Variants in C2orf66 observed in about 807,000 individuals in gnomAD.
C2orf66 encodes chromosome 2 open reading frame 66, also known as uncharacterized protein C2orf66.
In C2orf66, 6 loss-of-function variants were observed where a neutral mutation model predicts 7.0. That is an observed-to-expected ratio of 0.86 (90% CI 0.47 to 1.69). The LOEUF is 1.69. Ranked by LOEUF, C2orf66 falls within the 40% of genes most tolerant of loss-of-function variation. The probability of loss-of-function intolerance (pLI) is 0.01; values close to 1 mark genes in which losing one functional copy is unlikely to be tolerated. For synonymous variants in C2orf66, 38 were observed against 43.8 expected (o/e 0.87, Z 0.52); for missense variants, 107 against 112.0 (o/e 0.96, Z 0.20).
upstream of C2orf66, chr2:196,809,997 G>T (rs2125758739): frequency 6.6e-6 from 1 of 152,314 alleles, no homozygotes; most frequent in East Asian, 1.9e-4. Context: ...CAATGGATTG[G>T]GTGCCAGTGG....
At chr2:196,822,188 C>T in the C2orf66 span, among the ~76,000 whole-genome samples, 4 of 151,734 alleles carry the variant, frequency 2.6e-5, no homozygotes, top group African/African-American at 9.7e-5. Context: ...GCTGGGATTA[C>T]AGGCATGAGC....
chr2:196,821,504 T>G, the C2orf66 span, among the ~76,000 whole-genome samples: 9 of 152,204 alleles, frequency 5.9e-5, no homozygotes, highest in East Asian at 3.8e-4. Context: ...AGGCTGAGCT[T>G]CTTCTGTCAT....
upstream of C2orf66, among the ~76,000 whole-genome samples, chr2:196,814,122 CAT>C (rs1699901741): frequency 6.6e-6 from 1 of 152,190 alleles, no homozygotes; most frequent in African/African-American, 2.4e-5. Context: ...CACATGCACA[CAT>C]ATGTCTATTG....
At chr2:196,829,298 C>T in the C2orf66 span, among the ~76,000 whole-genome samples, 1 of 152,100 alleles carries the variant, frequency 6.6e-6, no homozygotes, top group Non-Finnish European at 1.5e-5. Flanking sequence ...GTATTTTCAT[C>T]CTTAAAAATG....
chr2:196,810,882 A>G (rs1268218480), upstream of C2orf66, among the ~76,000 whole-genome samples: 1 of 152,258 alleles, frequency 6.6e-6, no homozygotes. Context: ...ATTAAAATAG[A>G]GTAGTGGGCA....
chr2:196,829,333 C>T, the C2orf66 span, among the ~76,000 whole-genome samples: 25 of 152,096 alleles, frequency 1.6e-4, no homozygotes, highest in Non-Finnish European at 2.6e-4. Context: ...TATTTAATAA[C>T]ATACACAATG....
the C2orf66 span, among the ~76,000 whole-genome samples, chr2:196,824,769 G>A: frequency 6.6e-6 from 1 of 152,138 alleles, no homozygotes; most frequent in Non-Finnish European, 1.5e-5. Flanking sequence ...ACTATACATA[G>A]ATATAAAGGC....
At chr2:196,815,287 T>C in the C2orf66 span, among the ~76,000 whole-genome samples, 1 of 152,144 alleles carries the variant, frequency 6.6e-6, no homozygotes, top group East Asian at 1.9e-4. Flanking sequence ...GATTTTAAAT[T>C]TCTTTTTTAA....
chr2:196,816,884 C>T, the C2orf66 span, among the ~76,000 whole-genome samples: 26 of 152,070 alleles, frequency 1.7e-4, no homozygotes, highest in Middle Eastern at 6.8e-3. Context: ...AAGTGTTGGC[C>T]GGCTGAGAAA....
chr2:196,816,088 G>A, the C2orf66 span, among the ~76,000 whole-genome samples: 5 of 152,288 alleles, frequency 3.3e-5, no homozygotes, highest in East Asian at 9.6e-4. Context: ...ATAAAGAGAA[G>A]GAGGAAGAAA....
chr2:196,816,617 G>A, the C2orf66 span, among the ~76,000 whole-genome samples: 1 of 152,094 alleles, frequency 6.6e-6, no homozygotes, highest in African/African-American at 2.4e-5. Flanking sequence ...TGAGTGATGG[G>A]ATCATTCATA....
chr2:196,825,764 C>T, the C2orf66 span, among the ~76,000 whole-genome samples: 2 of 152,158 alleles, frequency 1.3e-5, no homozygotes, highest in Non-Finnish European at 2.9e-5. Flanking sequence ...AAGTTACCAA[C>T]AATTTATAAA....
At chr2:196,811,829 G>C (rs527292111), upstream of C2orf66, among the ~76,000 whole-genome samples, 4 of 152,298 alleles carry the variant, frequency 2.6e-5, no homozygotes, top group African/African-American at 7.2e-5. Context: ...AAAAACTTGA[G>C]CTTTGAGAAA....
upstream of C2orf66, among the ~76,000 whole-genome samples, chr2:196,814,316 A>G (rs1447214295): frequency 6.6e-6 from 1 of 152,138 alleles, no homozygotes; most frequent in Non-Finnish European, 1.5e-5. Context: ...GCAAACTAAC[A>G]CAGGAACAGA....
At chr2:196,829,108 ATCT>A in the C2orf66 span, among the ~76,000 whole-genome samples, 1 of 152,088 alleles carries the variant, frequency 6.6e-6, no homozygotes, top group Admixed American at 6.6e-5. Context: ...TTTTCACACA[ATCT>A]TTTTTCACTT....
chr2:196,818,455 T>C, the C2orf66 span, among the ~76,000 whole-genome samples: 1 of 152,178 alleles, frequency 6.6e-6, no homozygotes, highest in Non-Finnish European at 1.5e-5. Context: ...TCTGTCTTCC[T>C]CACAGCCACC....
the C2orf66 span, among the ~76,000 whole-genome samples, chr2:196,826,383 G>A: frequency 1.3e-5 from 2 of 151,982 alleles, no homozygotes; most frequent in Admixed American, 1.3e-4. Flanking sequence ...TGTTTATGGG[G>A]GAACATTTAA....
chr2:196,804,480 T>A lies in C2orf66; in HGVS notation c.*948A>T, dbSNP rs1699798150. On this transcript the variant is annotated 3_prime_UTR_variant, in exon 3 of 3. Coordinates refer to ENST00000342506, the MANE Select transcript of C2orf66 (RefSeq NM_213608.3). ...CAATAATCCACCCAAAAAAGCCACA[T>A]TAAAATATTTTGAAATGCACAGACT... Among the ~76,000 whole-genome samples the A allele has an allele frequency of 2.0e-5, 3 of 152,350 alleles. No individual in the cohort carries two copies. Among genetic ancestry groups the A allele is most frequent in the Middle Eastern group, 6.8e-3 (2 of 294 alleles).
intron 2 of C2orf66, 61 bp downstream of exon 2, chr2:196,807,363 T>A (rs1699829230): frequency 1.0e-6 from 1 of 962,518 alleles, no homozygotes; most frequent in African/African-American, 1.7e-5. Context: ...ACTTTCAAAA[T>A]ATCTACTTTA....
Sources: allele counts gnomAD v4.1 joint callset (sites outside exome capture counted in the v4.1 genomes callset), GRCh38; gene constraint gnomAD v4.1.1; transcripts MANE v1.5; gene names NCBI Gene and HGNC (gene_info 2026-07-23, HGNC 2026-07-21).